ADAMTSL3: variants seen among roughly 807,000 people sequenced by gnomAD.
ADAMTSL3 encodes the protein ADAMTS like 3.
Under a neutral mutation model 201.7 loss-of-function variants are expected in ADAMTSL3, and 128 were observed. That is an observed-to-expected ratio of 0.63 (90% CI 0.55 to 0.73). The LOEUF is 0.73. ADAMTSL3 is among the 30% of genes least tolerant of loss of function. The pLI is 0.00. For missense variants in ADAMTSL3, 1,990 were observed against 2,119.6 expected (o/e 0.94, Z 1.20); for synonymous variants, 738 against 748.4 (o/e 0.99, Z 0.23).
chr15:83,886,366 A>G (rs2065391536), intron 10 of ADAMTSL3, among the ~76,000 whole-genome samples: 1 of 152,192 alleles, frequency 6.6e-6, no homozygotes, highest in Non-Finnish European at 1.5e-5. Flanking sequence ...TTAGATGTTC[A>G]TAATCACATT....
intron 17 of ADAMTSL3, among the ~76,000 whole-genome samples, chr15:83,935,424 A>G (rs1332307189): frequency 1.3e-5 from 2 of 152,144 alleles, no homozygotes; most frequent in Non-Finnish European, 2.9e-5. Flanking sequence ...GAAAAATGAT[A>G]AAAAGGACTT....
intron 2 of ADAMTSL3, among the ~76,000 whole-genome samples, chr15:83,701,264 T>C (rs1368089168): frequency 6.6e-6 from 1 of 152,292 alleles, no homozygotes; most frequent in East Asian, 1.9e-4. Context: ...ACTTTCCTCC[T>C]TGAAGCAATC....
chr15:83,704,973 TG>T (rs2061827921), intron 3 of ADAMTSL3, among the ~76,000 whole-genome samples: 1 of 151,224 alleles, frequency 6.6e-6, no homozygotes, highest in Admixed American at 6.6e-5. Flanking sequence ...TGAGTGTGTG[TG>T]TGTGTGTGTG....
chr15:83,991,406 G>A (rs903064739), intron 23 of ADAMTSL3, among the ~76,000 whole-genome samples, 192 bp downstream of exon 23: 13 of 152,204 alleles, frequency 8.5e-5, no homozygotes, highest in Non-Finnish European at 1.0e-4. Context: ...TCATGAGACC[G>A]ATGTATAAAA....
chr15:83,787,554 T>G (rs1281394516), intron 4 of ADAMTSL3, among the ~76,000 whole-genome samples: 1 of 152,146 alleles, frequency 6.6e-6, no homozygotes, highest in East Asian at 1.9e-4. Context: ...GTATATAGTT[T>G]AAAGAGCCAA....
chr15:84,008,458 C>T (rs2141879127), intron 23 of ADAMTSL3, among the ~76,000 whole-genome samples: 1 of 152,272 alleles, frequency 6.6e-6, no homozygotes, highest in East Asian at 1.9e-4. Context: ...TGGACAGTTG[C>T]TACGCCCTCC....
Position 83,710,996 on chromosome 15 carries a change from T to C in ADAMTSL3, c.189+6488T>C, listed in dbSNP as rs556410404. On this transcript the variant is annotated intron_variant, in intron 3 of 29. Transcript: ENST00000286744. ...GGCAGGAAAAGTATGAGAGAAATGT[T>C]TGAATGAATTTTTAATACTAATAAT... is the stretch of plus-strand genomic sequence containing the variant. 3.3e-5 allele frequency among the ~76,000 whole-genome samples: 5 copies of C among 152,314 alleles called. No individual in the cohort carries two copies. In the South Asian group the frequency reaches 8.3e-4, roughly 25 times the overall value.
intron 7 of ADAMTSL3, 61 bp from the exon 8 acceptor site, chr15:83,858,705 C>T (rs2064792700): frequency 7.5e-7 from 1 of 1,333,968 alleles, no homozygotes. Flanking sequence ...GATTGACTTG[C>T]TCATTTTCAT....
chr15:84,013,268 A>G (rs1200454728), intron 23 of ADAMTSL3, among the ~76,000 whole-genome samples: 2 of 152,224 alleles, frequency 1.3e-5, no homozygotes, highest in Non-Finnish European at 2.9e-5. Context: ...ACTGCCTCCC[A>G]GGAAATAGGA....
In ADAMTSL3 at chr15:83,658,001, C is replaced by T. The variant is rs75701476; in HGVS notation, c.69+2171C>T. On this transcript the variant is annotated intron_variant, in intron 2 of 29. Transcript: ENST00000286744. ...AGGTGTTCCCTGGCGTCTACCCTTG[C>T]TTCGTATGTGCTGCCACCAAGGTGG... Among the ~76,000 whole-genome samples the T allele has an allele frequency of 2.9e-3, 444 of 152,336 alleles. 2 individuals carry two copies. Among genetic ancestry groups the T allele is most frequent in the African/African-American group, 0.01 (427 of 41,574 alleles).
rs532752287 is a variant in ADAMTSL3, at chr15:84,027,727, G to A, written c.4656+2291G>A. Among the ~76,000 whole-genome samples, 190 of 152,058 alleles carry A rather than the reference G, an allele frequency of 1.2e-3. 3 individuals are homozygous for A. The South Asian group carries it at 0.017, about 13-fold the overall frequency. On this transcript the variant is annotated intron_variant, in intron 27 of 29. Coordinates refer to ENST00000286744, the MANE Select transcript of ADAMTSL3 (RefSeq NM_207517.3). Reference sequence around the variant, plus strand: ...TCTGTCTCAAAAAAAAAGAAAAAAAGAAATGGAACATATGTCCACACAAAA... The same window carrying A: ...TCTGTCTCAAAAAAAAAGAAAAAAAAAAATGGAACATATGTCCACACAAAA...
intron 5 of ADAMTSL3, among the ~76,000 whole-genome samples, chr15:83,818,930 C>T (rs2063810971): frequency 6.6e-6 from 1 of 151,984 alleles, no homozygotes; most frequent in Non-Finnish European, 1.5e-5. Context: ...TACTTGGTAC[C>T]AGTGAAGAGA....
intron 6 of ADAMTSL3, 124 bp downstream of exon 6, chr15:83,820,171 G>T: frequency 2.6e-6 from 2 of 779,150 alleles, no homozygotes; most frequent in South Asian, 1.6e-5. Flanking sequence ...GGCCAGGTAC[G>T]GTGGCTTACA....
chr15:83,991,565 A>G (rs953063630), intron 23 of ADAMTSL3, among the ~76,000 whole-genome samples: 1 of 152,206 alleles, frequency 6.6e-6, no homozygotes, highest in Admixed American at 6.5e-5. Flanking sequence ...GGTGAATACA[A>G]AGTCAGAGGA....
chr15:83,742,999 GT>G (rs2062480916), intron 3 of ADAMTSL3, among the ~76,000 whole-genome samples: 1 of 152,008 alleles, frequency 6.6e-6, no homozygotes, highest in South Asian at 2.1e-4. Flanking sequence ...ATATTTGCCT[GT>G]TTCTGTGTGA....
chr15:83,811,458 A>C (rs1278606257), intron 5 of ADAMTSL3, among the ~76,000 whole-genome samples: 1 of 152,254 alleles, frequency 6.6e-6, no homozygotes, highest in Non-Finnish European at 1.5e-5. Flanking sequence ...AATTCCAAAA[A>C]GGAACCTATT....
At chr15:83,843,307 G>A (rs1030450865) in intron 7 of ADAMTSL3, among the ~76,000 whole-genome samples, 2 of 152,014 alleles carry the variant, frequency 1.3e-5, no homozygotes, top group African/African-American at 4.8e-5. Context: ...ATCCTTCAGT[G>A]CAGGGCATGA....
chr15:83,760,592 C>T (rs1004095468), intron 3 of ADAMTSL3, among the ~76,000 whole-genome samples: 1 of 151,806 alleles, frequency 6.6e-6, no homozygotes, highest in South Asian at 2.1e-4. Context: ...GTGTTAAAAC[C>T]TCCCACCATC....
intron 6 of ADAMTSL3, among the ~76,000 whole-genome samples, chr15:83,837,377 T>C (rs2064295374): frequency 1.3e-5 from 2 of 151,986 alleles, no homozygotes; most frequent in African/African-American, 2.4e-5. Context: ...CAGAAGGTTA[T>C]ACATCAAATT....
Sources: allele counts gnomAD v4.1 joint callset (sites outside exome capture counted in the v4.1 genomes callset), GRCh38; gene constraint gnomAD v4.1.1; transcripts MANE v1.5; gene names NCBI Gene and HGNC (gene_info 2026-07-23, HGNC 2026-07-21).